FOCAD: variants seen among roughly 807,000 people sequenced by gnomAD.
FOCAD encodes KIAA1797.
A neutral mutation model predicts 225.6 loss-of-function variants in FOCAD; 198 were observed. That is an observed-to-expected ratio of 0.88 (90% confidence interval 0.78 to 0.99). The LOEUF (loss-of-function observed/expected upper bound fraction) is 0.99, where lower values mean the gene tolerates loss of function less well. Ranked by LOEUF, FOCAD falls within the 50% of genes least tolerant of loss-of-function variation. The pLI is 0.00. For synonymous variants in FOCAD, 897 were observed against 755.0 expected (o/e 1.19, Z -3.08); for missense variants, 2,713 against 2,123.6 (o/e 1.28, Z -5.46).
chr9:20,714,553 T>C (rs975942735), intron 1 of FOCAD, among the ~76,000 whole-genome samples: 1 of 152,022 alleles, frequency 6.6e-6, no homozygotes, highest in African/African-American at 2.4e-5. Flanking sequence ...AATCCTCTTA[T>C]TAGTTCCATG....
chr9:20,757,015 C>T (rs988160198), intron 5 of FOCAD, among the ~76,000 whole-genome samples: 14 of 152,100 alleles, frequency 9.2e-5, no homozygotes, highest in East Asian at 3.8e-4. Context: ...CCGCAACCTC[C>T]GCCTCCCAAG....
intron 35 of FOCAD, among the ~76,000 whole-genome samples, chr9:20,969,711 A>AAAT (rs1554746677): frequency 8.8e-5 from 13 of 147,980 alleles, no homozygotes; most frequent in East Asian, 2.0e-4. Flanking sequence ...AATATAAAAA[A>AAAT]ATATATATAT....
At chr9:20,762,645 G>C (rs1181416438) in intron 6 of FOCAD, among the ~76,000 whole-genome samples, 4 of 152,122 alleles carry the variant, frequency 2.6e-5, no homozygotes, top group African/African-American at 9.7e-5. Context: ...ATGTTGTCAA[G>C]TGTTATTTAT....
intron 35 of FOCAD, among the ~76,000 whole-genome samples, chr9:20,958,884 G>T (rs1409990974): frequency 6.6e-6 from 1 of 152,058 alleles, no homozygotes; most frequent in East Asian, 1.9e-4. Flanking sequence ...CTTTTTGAGG[G>T]CTTAATAGTA....
At chr9:20,845,978 T>C (rs1827064829) in intron 15 of FOCAD, among the ~76,000 whole-genome samples, 1 of 152,132 alleles carries the variant, frequency 6.6e-6, no homozygotes, top group Admixed American at 6.6e-5. Flanking sequence ...AAATGTTTAT[T>C]ATGAGGTTTT....
intron 19 of FOCAD, among the ~76,000 whole-genome samples, chr9:20,880,685 C>T (rs761452302): frequency 2.1e-4 from 32 of 152,074 alleles, no homozygotes; most frequent in Non-Finnish European, 3.2e-4. Context: ...ATATAATAGA[C>T]GGTCCAGTGA....
intron 15 of FOCAD, among the ~76,000 whole-genome samples, chr9:20,840,326 C>G (rs1369364734): frequency 6.6e-6 from 1 of 151,334 alleles, no homozygotes; most frequent in Non-Finnish European, 1.5e-5. Flanking sequence ...TTGTGTGTGT[C>G]CTCTTCAGTT....
chr9:20,733,844 A>G (rs1294366013), intron 4 of FOCAD, among the ~76,000 whole-genome samples: 3 of 152,102 alleles, frequency 2.0e-5, no homozygotes, highest in Non-Finnish European at 2.9e-5. Flanking sequence ...TTTAAAAAAA[A>G]TAAAAAATTA....
At chr9:20,940,262 T>A (rs1046904367) in intron 28 of FOCAD, among the ~76,000 whole-genome samples, 1 of 151,074 alleles carries the variant, frequency 6.6e-6, no homozygotes, top group Non-Finnish European at 1.5e-5. Flanking sequence ...TCTCTAGGTG[T>A]CAGTCCTTGT....
chr9:20,803,065 A>G (rs1424202211), intron 11 of FOCAD, among the ~76,000 whole-genome samples: 1 of 152,024 alleles, frequency 6.6e-6, no homozygotes, highest in Non-Finnish European at 1.5e-5. Flanking sequence ...ATTTTACTTT[A>G]TATGTATTTA....
chr9:20,791,763 G>C (rs1212828050), intron 11 of FOCAD, among the ~76,000 whole-genome samples: 1 of 152,168 alleles, frequency 6.6e-6, no homozygotes, highest in Non-Finnish European at 1.5e-5. Flanking sequence ...ATAGAAGTAG[G>C]TGAAGTATCA....
At chr9:20,707,545 A>G (rs1456510461) in intron 1 of FOCAD, among the ~76,000 whole-genome samples, 1 of 152,182 alleles carries the variant, frequency 6.6e-6, no homozygotes, top group Non-Finnish European at 1.5e-5. Context: ...CATTTTATGT[A>G]TTATATATAC....
At chr9:20,778,615 C>A in intron 8 of FOCAD, 66 bp from the exon 9 acceptor site, 1 of 796,560 alleles carries the variant, frequency 1.3e-6, no homozygotes, top group Non-Finnish European at 2.2e-6. Context: ...TTCCTGGATA[C>A]ATGTTACAAA....
chr9:20,750,463 G>A (rs1049250173), intron 5 of FOCAD, among the ~76,000 whole-genome samples: 1 of 152,060 alleles, frequency 6.6e-6, no homozygotes, highest in Non-Finnish European at 1.5e-5. Context: ...TGCAAATCAC[G>A]AAATGGGGAA....
At chr9:20,982,615 T>C (rs1840800033) in intron 39 of FOCAD, among the ~76,000 whole-genome samples, 169 bp downstream of exon 39, 1 of 152,222 alleles carries the variant, frequency 6.6e-6, no homozygotes, top group Non-Finnish European at 1.5e-5. Flanking sequence ...AGCCTACTAA[T>C]GTGGTTGGTG....
At chr9:20,913,944 A>C (rs1291561863) in intron 23 of FOCAD, among the ~76,000 whole-genome samples, 2 of 152,122 alleles carry the variant, frequency 1.3e-5, no homozygotes. Flanking sequence ...TATGAGTATA[A>C]AGGAGTTAGG....
intron 4 of FOCAD, among the ~76,000 whole-genome samples, chr9:20,728,239 G>C (rs1033508400): frequency 6.6e-6 from 1 of 152,024 alleles, no homozygotes; most frequent in Non-Finnish European, 1.5e-5. Flanking sequence ...GGGACCAGAA[G>C]TGTTTCAGAT....
intron 12 of FOCAD, among the ~76,000 whole-genome samples, chr9:20,820,118 T>C (rs1824158414): frequency 6.6e-6 from 1 of 152,116 alleles, no homozygotes; most frequent in Non-Finnish European, 1.5e-5. Flanking sequence ...ACTTTGGCTA[T>C]TCTCTGAGAT....
chr9:20,866,551 G>A (rs1200281393), intron 17 of FOCAD, among the ~76,000 whole-genome samples: 4 of 152,034 alleles, frequency 2.6e-5, no homozygotes, highest in Middle Eastern at 3.4e-3. Flanking sequence ...TATATTTAAT[G>A]TTCAAACTAG....
Sources: allele counts gnomAD v4.1 joint callset (sites outside exome capture counted in the v4.1 genomes callset), GRCh38; gene constraint gnomAD v4.1.1; transcripts MANE v1.5; gene names NCBI Gene and HGNC (gene_info 2026-07-23, HGNC 2026-07-21).